The following COL23A1 variants were observed in gnomAD, a reference collection of about 807,000 sequenced individuals.
COL23A1 encodes the protein collagen alpha-1(XXIII) chain.
In COL23A1, 97 loss-of-function variants were observed where a neutral mutation model predicts 99.3. The ratio of observed to expected loss-of-function variants is 0.98; its 90% CI spans 0.83 to 1.16. The LOEUF is 1.16. COL23A1 is among the 50% of genes most tolerant of loss of function. The probability of loss-of-function intolerance (pLI) is 0.00; values close to 1 mark genes in which losing one functional copy is unlikely to be tolerated. For synonymous variants in COL23A1, 320 were observed against 308.2 expected, an observed-to-expected ratio of 1.04 and a Z score of -0.40; for missense variants, 762 against 757.4, an observed-to-expected ratio of 1.01 and a Z score of -0.07.
intron 15 of COL23A1, among the ~76,000 whole-genome samples, chr5:178,256,132 A>C (rs1765286088): frequency 6.6e-6 from 1 of 152,234 alleles, no homozygotes; most frequent in South Asian, 2.1e-4. Flanking sequence ...ATAGCAGGTC[A>C]GGACTCTTAT....
chr5:178,366,421 C>T lies in COL23A1; in HGVS notation c.362-59502G>A, dbSNP rs1017913538. Among the ~76,000 whole-genome samples the T allele has an allele frequency of 6.6e-6, 1 of 152,232 alleles. No individual in the cohort carries two copies. The highest frequency in any genetic ancestry group is 2.4e-5 in the African/African-American group (1 of 41,466). ...TCTGTCTTCCCAGCTCCCATCCGCC[C>T]TTCCCTGCATCCTCCTGGGCTGGTT... On this transcript the variant is annotated intron_variant, in intron 2 of 28. Coordinates refer to ENST00000390654, the MANE Select transcript of COL23A1 (RefSeq NM_173465.4). This position sits in a 1 kb window ranked among gnomAD's most constrained non-coding sequence, Gnocchi z 4.4.
At chr5:178,303,215 G>T (rs141162329) in intron 3 of COL23A1, among the ~76,000 whole-genome samples, 3 of 152,172 alleles carry the variant, frequency 2.0e-5, no homozygotes, top group African/African-American at 4.8e-5. Context: ...GGCCAGGCTG[G>T]TCTCAAACTC....
chr5:178,415,276 C>T lies in COL23A1; in HGVS notation c.362-108357G>A, dbSNP rs772036456. On this transcript the variant is annotated intron_variant, in intron 2 of 28. Coordinates refer to ENST00000390654, the MANE Select transcript of COL23A1 (RefSeq NM_173465.4). The surrounding 1 kb of genome is among the most constrained non-coding windows in gnomAD (Gnocchi z 4.6). ...AGTTACAGTGCTCAGTGGGGACGAG[C>T]CCGCCTTGCTGGGTGAGTGACGTGG... Among the ~76,000 whole-genome samples the T allele has an allele frequency of 3.9e-5, 6 of 152,202 alleles. No homozygotes were observed. The highest frequency in any genetic ancestry group is 7.3e-5 in the Non-Finnish European group (5 of 68,038).
intron 2 of COL23A1, among the ~76,000 whole-genome samples, chr5:178,448,183 TTC>T (rs1174108109): frequency 8.1e-6 from 1 of 123,390 alleles, no homozygotes; most frequent in Non-Finnish European, 1.7e-5. Context: ...GTCCGTTTTG[TTC>T]TGTTAGTGCT....
intron 8 of COL23A1, 90 bp from the exon 9 acceptor site, chr5:178,263,414 C>A: frequency 1.3e-6 from 1 of 789,402 alleles, no homozygotes; most frequent in East Asian, 2.6e-5. Context: ...CCCACGCCAT[C>A]CCCTTCCCCA....
intron 2 of COL23A1, among the ~76,000 whole-genome samples, chr5:178,381,635 G>T (rs946286744): frequency 6.6e-5 from 10 of 152,244 alleles, no homozygotes; most frequent in Non-Finnish European, 1.0e-4. Context: ...GGGTGATCTG[G>T]CCTGGAGTGG....
chr5:178,279,881 C>T (rs569115159), intron 5 of COL23A1, among the ~76,000 whole-genome samples: 14 of 152,332 alleles, frequency 9.2e-5, no homozygotes, highest in African/African-American at 3.1e-4. Flanking sequence ...ACGGGAGCCC[C>T]GCCTCCTAGC....
At chr5:178,576,853 C>T (rs1189409796) in intron 1 of COL23A1, among the ~76,000 whole-genome samples, 2 of 151,842 alleles carry the variant, frequency 1.3e-5, no homozygotes, top group Non-Finnish European at 2.9e-5. Context: ...CGCCCCTCCC[C>T]CTGCGCGCAC....
intron 16 of COL23A1, among the ~76,000 whole-genome samples, chr5:178,254,539 C>T (rs1320926098): frequency 1.3e-5 from 2 of 152,186 alleles, no homozygotes; most frequent in Admixed American, 1.3e-4. Flanking sequence ...TCGGAGGTCA[C>T]ATATCTCCCA....
At chr5:178,483,267 G>A (rs1370805475) in intron 2 of COL23A1, among the ~76,000 whole-genome samples, 2 of 151,952 alleles carry the variant, frequency 1.3e-5, no homozygotes, top group African/African-American at 4.8e-5. Flanking sequence ...TGAATTACTG[G>A]GGAGATAAGT....
intron 2 of COL23A1, among the ~76,000 whole-genome samples, chr5:178,417,393 T>C (rs995505330): frequency 6.6e-6 from 1 of 152,198 alleles, no homozygotes; most frequent in African/African-American, 2.4e-5. Context: ...TCGCTACGTG[T>C]ACCTCGCCAG....
At chr5:178,322,712 T>C (rs990261609) in intron 2 of COL23A1, among the ~76,000 whole-genome samples, 6 of 152,168 alleles carry the variant, frequency 3.9e-5, no homozygotes, top group Admixed American at 3.9e-4. Context: ...TTGTACCCAA[T>C]CCCAGGGCCT....
rs1763585421 is a variant in COL23A1, at chr5:178,384,865, G to A, written c.362-77946C>T. On this transcript the variant is annotated intron_variant, in intron 2 of 28. Coordinates refer to ENST00000390654, the MANE Select transcript of COL23A1 (RefSeq NM_173465.4). The surrounding 1 kb of genome is among the most constrained non-coding windows in gnomAD (Gnocchi z 5.5). ...ATTAAAAGGTCCGTAACAGAAAAGC[G>A]GGAAATAGCCTGCAAGGAGGAAGAG... is the stretch of plus-strand genomic sequence containing the variant. 1.3e-5 allele frequency among the ~76,000 whole-genome samples: 2 copies of A among 152,222 alleles called. No homozygotes were observed. Among genetic ancestry groups the A allele is most frequent in the African/African-American group, 2.4e-5 (1 of 41,456 alleles).
In COL23A1 at chr5:178,590,132, G is replaced by GCCGCCGC; in HGVS notation, c.59_65dup (p.Gly23ArgfsTer216). ...CCGTCGTCGCCGAGCGCCCTCCGCC[G>GCCGCCGC]CCGCCGCCCGCCGCATTGCCCTTCC... is the stretch of plus-strand genomic sequence containing the variant. On this transcript the variant is annotated frameshift_variant, in exon 1 of 29. Coordinates refer to ENST00000390654, the MANE Select transcript of COL23A1 (RefSeq NM_173465.4). LOFTEE classifies it high-confidence loss of function. The surrounding 1 kb of genome is among the most constrained non-coding windows in gnomAD (Gnocchi z 5.7). 8.1e-7 allele frequency: 1 copy of GCCGCCGC among 1,236,546 alleles called. No individual in the cohort carries two copies. The highest frequency in any genetic ancestry group is 3.5e-5 in the East Asian group (1 of 28,822). The allele number at this position is 1,236,546 out of a possible 1,614,324, so 76.6% of individuals were successfully genotyped here. A position where few individuals can be genotyped will look rare whatever the true frequency, so the allele number is the denominator to read the frequency against.
At chr5:178,492,843 T>G (rs1758003142) in intron 2 of COL23A1, among the ~76,000 whole-genome samples, 1 of 152,078 alleles carries the variant, frequency 6.6e-6, no homozygotes, top group African/African-American at 2.4e-5. Context: ...GCTCCATAGT[T>G]TCTAATCCCA....
chr5:178,572,072 C>CAAAACAAAACAA (rs762501300), intron 1 of COL23A1, among the ~76,000 whole-genome samples: 5 of 109,496 alleles, frequency 4.6e-5, no homozygotes, highest in African/African-American at 1.6e-4. Flanking sequence ...TTTCTCAAAA[C>CAAAACAAAACAA]AAAAAAAAAA....
chr5:178,256,272 C>A (rs1194618808), intron 15 of COL23A1, 81 bp downstream of exon 15: 12 of 1,004,386 alleles, frequency 1.2e-5, no homozygotes, highest in Non-Finnish European at 1.7e-5. Flanking sequence ...CCTCTGGGGT[C>A]TCTGTGGGGA....
Position 178,306,989 on chromosome 5 carries a change from C to A in COL23A1, c.362-70G>T. 8.4e-7 allele frequency: 1 copy of A among 1,187,640 alleles called. No homozygotes were observed. The highest frequency in any genetic ancestry group is 1.8e-5 in the South Asian group (1 of 55,138). 73.6% of individuals were successfully genotyped at this position (1,187,640 alleles called of 1,614,324 possible). A position where few individuals can be genotyped will look rare whatever the true frequency, so the allele number is the denominator to read the frequency against. On this transcript the variant is annotated intron_variant, in intron 2 of 28. Transcript: ENST00000390654. This position sits in a 1 kb window ranked among gnomAD's most constrained non-coding sequence, Gnocchi z 4.1. ...TGGACTTGGCTGCGTGGGGCATGCC[C>A]CAGCCACCCACCTGTCCGCTCGCAA...
At chr5:178,440,306 C>T (rs906390317) in intron 2 of COL23A1, among the ~76,000 whole-genome samples, 6 of 152,188 alleles carry the variant, frequency 3.9e-5, no homozygotes, top group African/African-American at 1.4e-4. Flanking sequence ...CCCCGTGGAA[C>T]TCTCTCCAGG....
Sources: gnomAD v4.1 joint callset for allele counts (sites outside exome capture counted in the v4.1 genomes callset) on GRCh38, gnomAD v4.1.1 for gene constraint, Gnocchi (gnomAD v3.1) non-coding constraint, MANE v1.5 for transcripts, NCBI Gene and HGNC (gene_info 2026-07-23, HGNC 2026-07-21) for gene names.